PORCN: variants seen among roughly 807,000 people sequenced by gnomAD.
PORCN encodes porcupine O-acyltransferase.
PORCN carries 1 observed loss-of-function variant against 43.0 expected under a neutral mutation model. The observed-to-expected ratio is 0.02, with a 90% CI of 0.01 to 0.11. PORCN has a LOEUF of 0.11. PORCN is among the 10% of genes least tolerant of loss of function. PORCN has a pLI of 1.00. For missense variants in PORCN, 240 were observed against 392.1 expected (o/e 0.61, Z 3.28); for synonymous variants, 148 against 166.4 (o/e 0.89, Z 0.85).
In PORCN at chrX:48,512,056, C is replaced by T. The variant is rs1403868179; in HGVS notation, c.373+121C>T. 2.1e-5 allele frequency: 13 copies of T among 606,698 alleles called. 1 individual carries two copies. In the South Asian group the frequency reaches 2.4e-4, roughly 11 times the overall value. 50.0% of individuals were successfully genotyped at this position (606,698 alleles called of 1,213,427 possible). ...TCCCTCACCTGCCCACCCCACTGGA[C>T]GTGCAGACCTCACATTACTCTTGGG... On this transcript the variant is annotated intron_variant, in intron 4 of 14. Coordinates refer to ENST00000326194, the MANE Select transcript of PORCN (RefSeq NM_203475.3).
intron 1 of PORCN, chrX:48,509,529 C>G: frequency 9.5e-7 from 1 of 1,055,179 alleles, no homozygotes; most frequent in Non-Finnish European, 1.2e-6. Flanking sequence ...CTGGACTGTT[C>G]ACAGCACTGG....
Position 48,514,175 on chromosome X carries a change from A to C in PORCN, c.719+34A>C, listed in dbSNP as rs782100368. 1.7e-5 allele frequency: 20 copies of C among 1,212,005 alleles called. No individual in the cohort carries two copies. In the Middle Eastern group the frequency reaches 9.2e-4, roughly 56 times the overall value. ...ACAGAGCGGGGCCCAGGATGCTGAC[A>C]TGTGGTGGGGTATCATGTTGGGACC... On this transcript the variant is annotated intron_variant, in intron 8 of 14. Transcript: ENST00000326194.
intron 2 of PORCN, 127 bp from the exon 3 acceptor site, chrX:48,511,168 A>C: frequency 8.2e-6 from 5 of 609,716 alleles, no homozygotes; most frequent in Non-Finnish European, 1.1e-5. Flanking sequence ...CCTTCCTACT[A>C]GCCCACCAAC....
rs781888699 is a variant in PORCN at position 48,515,916 on chromosome X, C to A, written c.1050C>A (p.Val350=). ...LHGFSFHLAA[V]LLSLAFITYV... The stretch of plus-strand genomic sequence containing the variant: ...GCTTCAGTTTCCACCTGGCTGCGGT[C>A]CTGCTGTCCCTGGCTTTTATCACTT... The change falls in exon 12 of 15, where the codon GTC becomes GTA. Residue 350 remains valine (V), a synonymous_variant. Transcript: ENST00000326194. The A allele has an allele frequency of 2.4e-5, 29 of 1,209,516 alleles. No individual in the cohort carries two copies. Among genetic ancestry groups the A allele is most frequent in the Non-Finnish European group, 3.1e-5 (28 of 895,005 alleles).
rs782518434 is a variant in PORCN at position 48,514,012 on chromosome X, T to G, written c.705-115T>G. ...CTGTGTGTGACTATCATAGTTCACC[T>G]TTTTTGTGGCTACATTTCATCTGTC... On this transcript the variant is annotated intron_variant, in intron 7 of 14. Coordinates refer to ENST00000326194, the MANE Select transcript of PORCN (RefSeq NM_203475.3). The G allele has an allele frequency of 1.1e-5, 10 of 910,467 alleles. No individual in the cohort carries two copies. In the South Asian group the frequency reaches 2.1e-4, roughly 19 times the overall value. 75.0% of individuals were successfully genotyped at this position (910,467 alleles called of 1,213,427 possible).
chrX:48,518,192 G>C (rs997278936), intron 14 of PORCN, among the ~76,000 whole-genome samples: 1 of 109,671 alleles, frequency 9.1e-6, no homozygotes, highest in African/African-American at 3.3e-5. Context: ...AGGATAACAG[G>C]CATGAGCACC....
intron 1 of PORCN, 117 bp downstream of exon 1, chrX:48,509,220 C>G: frequency 4.8e-6 from 1 of 209,832 alleles, no homozygotes; most frequent in Non-Finnish European, 9.1e-6. Flanking sequence ...CCGACTCTCC[C>G]TCAGGCTATG....
At position 48,514,130 on chromosome X, in the gene PORCN, C is replaced by A. The variant is rs781974918; in HGVS notation, c.708C>A (p.Gly236=). ...LLRNKKRKAR[G]TMVRWLRAYE... ...TCCTGACCCCTGGGGGCCCTAGGGG[C>A]ACCATGGTAAGGTGAGTCTACAGAG... Residue 236 remains glycine, a synonymous_variant, in exon 8 of 15, where the codon GGC becomes GGA. Coordinates refer to ENST00000326194, the MANE Select transcript of PORCN (RefSeq NM_203475.3). 1 of 1,211,844 alleles carries A rather than the reference C, an allele frequency of 8.3e-7. No individual in the cohort carries two copies. Among genetic ancestry groups the A allele is most frequent in the South Asian group, 1.8e-5 (1 of 57,002 alleles).
At chrX:48,513,708 G>GGT (rs782092708) in intron 7 of PORCN, among the ~76,000 whole-genome samples, 2 of 112,315 alleles carry the variant, frequency 1.8e-5, no homozygotes, top group East Asian at 5.6e-4. Flanking sequence ...TAGTAGGGGG[G>GGT]GTGTGTGTGT....
intron 5 of PORCN, 36 bp from the exon 6 acceptor site, chrX:48,512,553 C>G: frequency 8.3e-7 from 1 of 1,209,289 alleles, no homozygotes; most frequent in African/African-American, 1.7e-5. Context: ...GGGAGCCACC[C>G]TGGGGCAGCA....
intron 1 of PORCN, 169 bp from the exon 2 acceptor site, chrX:48,509,615 G>A (rs2061659775): frequency 1.8e-6 from 2 of 1,134,599 alleles, no homozygotes; most frequent in Admixed American, 2.6e-5. Context: ...GCACACAGTT[G>A]GTGGCTCAGT....
chrX:48,511,547 G>T, intron 3 of PORCN, 60 bp downstream of exon 3: 1 of 1,039,070 alleles, frequency 9.6e-7, no homozygotes, highest in Non-Finnish European at 1.4e-6. Flanking sequence ...GGGTCCCCAG[G>T]CCCCATATGA....
chrX:48,510,378 C>T (rs1370658807), intron 2 of PORCN, among the ~76,000 whole-genome samples: 1 of 111,999 alleles, frequency 8.9e-6, no homozygotes, highest in African/African-American at 3.2e-5. Context: ...GAAATTCTCA[C>T]ATTCTAGACT....
At chrX:48,517,120 C>T in intron 13 of PORCN, 63 bp from the exon 14 acceptor site, 1 of 890,640 alleles carries the variant, frequency 1.1e-6, no homozygotes, top group Non-Finnish European at 1.6e-6. Context: ...CTCCCCCGTG[C>T]AGGAGGAGGT....
In PORCN at chrX:48,514,634, C is replaced by G. The variant is rs2061702106; in HGVS notation, c.946+9C>G. The stretch of plus-strand genomic sequence containing the variant: ...TTATTGGCTAAATAACTGTGAGTCA[C>G]CAAGTCACCACTCCAGCTGTGTTGG... On this transcript the variant is annotated intron_variant, in intron 10 of 14. Transcript: ENST00000326194. The G allele has an allele frequency of 8.6e-7, 1 of 1,156,496 alleles. No homozygotes were observed. The highest frequency in any genetic ancestry group is 1.2e-6 in the Non-Finnish European group (1 of 846,200).
chrX:48,511,277 T>G lies in PORCN; in HGVS notation c.137-18T>G. On this transcript the variant is annotated intron_variant, in intron 2 of 14. Transcript: ENST00000326194. ...TTCTCGTTCTCTCTCTCCCTTTCTT[T>G]CTCCCTTTCACCCAAAGGGTTGCCA... 8.3e-7 allele frequency: 1 copy of G among 1,199,912 alleles called. No individual in the cohort carries two copies. Among genetic ancestry groups the G allele is most frequent in the South Asian group, 1.8e-5 (1 of 56,598 alleles).
intron 13 of PORCN, 64 bp downstream of exon 13, chrX:48,516,210 C>G (rs2061716281): frequency 9.5e-7 from 1 of 1,054,793 alleles, no homozygotes; most frequent in East Asian, 3.1e-5. Context: ...CCTTCTATCT[C>G]TATCTTGTAT....
At chrX:48,511,248 C>A in intron 2 of PORCN, 47 bp from the exon 3 acceptor site, 1 of 606,278 alleles carries the variant, frequency 1.6e-6, no homozygotes, top group Admixed American at 2.5e-5. Context: ...CTCTTTCTCT[C>A]TCTTTCTCGT....
rs369672830 is a variant in PORCN at position 48,514,325 on chromosome X, G to A, written c.805G>A (p.Ala269Thr). ...TCTTTCCGAGGCCACGGCCACGTTG[G>A]CGGGGGCTGGCTTTACCGAGGAGAA... Reference protein sequence around the residue: ...GFLSEATATLAGAGFTEEKDH... With the variant: ...GFLSEATATLTGAGFTEEKDH... The change falls in exon 9 of 15, where the codon GCG becomes ACG. Residue 269 changes from alanine (A) to threonine (T), a missense_variant. Coordinates refer to ENST00000326194, the MANE Select transcript of PORCN (RefSeq NM_203475.3). 26 of 1,210,505 alleles carry A rather than the reference G, an allele frequency of 2.1e-5. No individual in the cohort carries two copies. In the Admixed American group the frequency reaches 5.7e-4, roughly 26 times the overall value.
Sources: allele counts gnomAD v4.1 joint callset (sites outside exome capture counted in the v4.1 genomes callset), GRCh38; gene constraint gnomAD v4.1.1; transcripts MANE v1.5; gene names NCBI Gene and HGNC (gene_info 2026-07-23, HGNC 2026-07-21).